The following FGL1 variants were observed in gnomAD, a reference collection of about 807,000 sequenced individuals.
FGL1 encodes fibrinogen like 1.
In FGL1, 59 loss-of-function variants were observed where a neutral mutation model predicts 43.7. The ratio of observed to expected loss-of-function variants is 1.35; its 90% CI spans 1.10 to 1.68. The LOEUF is 1.68. FGL1 is among the 40% of genes most tolerant of loss of function. FGL1 has a pLI of 0.00. For synonymous variants in FGL1, 192 were observed against 126.5 expected (o/e 1.52, Z -3.48); for missense variants, 596 against 373.0 (o/e 1.60, Z -4.92).
At chr8:17,883,895 T>G (rs888027178) in intron 2 of FGL1, among the ~76,000 whole-genome samples, 2 of 150,716 alleles carry the variant, frequency 1.3e-5, no homozygotes, top group African/African-American at 4.9e-5. Flanking sequence ...CTTTTCTTTT[T>G]CTTTTCTTTT....
intron 2 of FGL1, among the ~76,000 whole-genome samples, chr8:17,883,693 TTA>T (rs888038458): frequency 2.8e-5 from 4 of 144,036 alleles, no homozygotes; most frequent in African/African-American, 1.0e-4. Context: ...TATATATTTT[TTA>T]TATATATATA....
intron 1 of FGL1, among the ~76,000 whole-genome samples, chr8:17,892,240 C>T (rs1014610322): frequency 6.6e-6 from 1 of 151,650 alleles, no homozygotes; most frequent in Non-Finnish European, 1.5e-5. Context: ...TAAACAATTG[C>T]ATAGTCACAG....
intron 6 of FGL1, 21 bp downstream of exon 6, chr8:17,868,895 C>A: frequency 1.3e-6 from 2 of 1,558,684 alleles, no homozygotes; most frequent in Non-Finnish European, 1.7e-6. Flanking sequence ...CACGGTTTTA[C>A]TTCTTAGAAA....
chr8:17,884,269 G>A (rs1265188039), intron 2 of FGL1, among the ~76,000 whole-genome samples: 4 of 151,858 alleles, frequency 2.6e-5, no homozygotes, highest in Non-Finnish European at 5.9e-5. Flanking sequence ...TCGGCTCCCT[G>A]CAACCTCTGC....
At chr8:17,886,151 T>C (rs1188664789) in intron 1 of FGL1, among the ~76,000 whole-genome samples, 1 of 152,240 alleles carries the variant, frequency 6.6e-6, no homozygotes, top group Non-Finnish European at 1.5e-5. Context: ...TCTACGGAAT[T>C]ATTCCTCAGG....
chr8:17,891,667 G>A (rs1190049132), intron 1 of FGL1: 3 of 985,150 alleles, frequency 3.0e-6, no homozygotes, highest in Admixed American at 6.1e-5. Context: ...TAGATGAGAA[G>A]AAAACTTGTA....
intron 3 of FGL1, among the ~76,000 whole-genome samples, chr8:17,881,135 C>T (rs1049866616): frequency 1.7e-4 from 17 of 98,818 alleles, no homozygotes; most frequent in African/African-American, 7.8e-4. Context: ...CATGTGTACA[C>T]GGATTTTTTT....
intron 3 of FGL1, among the ~76,000 whole-genome samples, chr8:17,880,616 C>T (rs2517319): frequency 0.2 from 30,312 of 152,124 alleles, 4,219 homozygotes; most frequent in African/African-American, 0.39. Flanking sequence ...GATAAAAGTA[C>T]ATTAAATATC....
intron 5 of FGL1, 49 bp from the exon 6 acceptor site, chr8:17,869,053 A>G (rs773590136): frequency 3.5e-6 from 4 of 1,147,580 alleles, no homozygotes; most frequent in Non-Finnish European, 5.1e-6. Flanking sequence ...GTGACATGAC[A>G]CGGACTACTG....
intron 5 of FGL1, among the ~76,000 whole-genome samples, chr8:17,869,365 T>C (rs2053322472): frequency 6.6e-6 from 1 of 152,242 alleles, no homozygotes; most frequent in Non-Finnish European, 1.5e-5. Flanking sequence ...CCTCTTTTTC[T>C]TGATTTCAGT....
chr8:17,865,535 T>C (rs984958039), intron 7 of FGL1, among the ~76,000 whole-genome samples: 1 of 152,212 alleles, frequency 6.6e-6, no homozygotes, highest in African/African-American at 2.4e-5. Flanking sequence ...ATAATCATTT[T>C]TTCCTAGTTG....
intron 3 of FGL1, among the ~76,000 whole-genome samples, chr8:17,881,433 C>T (rs1279469636): frequency 6.6e-6 from 1 of 151,734 alleles, no homozygotes; most frequent in East Asian, 1.9e-4. Flanking sequence ...CCGCACTTGG[C>T]TGTGTCCATC....
intron 1 of FGL1, among the ~76,000 whole-genome samples, chr8:17,892,038 T>A (rs1156229444): frequency 1.3e-5 from 2 of 152,222 alleles, no homozygotes; most frequent in Admixed American, 6.5e-5. Flanking sequence ...TATCTCATAA[T>A]AAGTTTTTAG....
chr8:17,887,494 C>T (rs1395910421), intron 1 of FGL1, among the ~76,000 whole-genome samples: 1 of 152,138 alleles, frequency 6.6e-6, no homozygotes, highest in Non-Finnish European at 1.5e-5. Context: ...CAACACTGGG[C>T]AGAAATTCAT....
At chr8:17,883,869 A>T (rs1290197373) in intron 2 of FGL1, among the ~76,000 whole-genome samples, 2 of 140,812 alleles carry the variant, frequency 1.4e-5, no homozygotes, top group Admixed American at 7.5e-5. Flanking sequence ...CTTTTCTAGG[A>T]TGATTTCTTT....
At chr8:17,883,586 C>T (rs571792499) in intron 2 of FGL1, among the ~76,000 whole-genome samples, 37 of 135,786 alleles carry the variant, frequency 2.7e-4, no homozygotes, top group South Asian at 6.6e-4. Flanking sequence ...ACATAATATA[C>T]GTATATATAA....
chr8:17,864,819 T>C (rs904867248), intron 7 of FGL1, 68 bp from the exon 8 acceptor site: 2 of 1,268,400 alleles, frequency 1.6e-6, no homozygotes, highest in East Asian at 2.9e-5. Flanking sequence ...GAATCCCTTT[T>C]ATTTTGCTAC....
At position 17,874,497 on chromosome 8, in the gene FGL1, C is replaced by T. The variant is rs1267421329; in HGVS notation, c.269G>A (p.Gly90Glu). 2.5e-6 allele frequency: 4 copies of T among 1,607,986 alleles called. No homozygotes were observed. The Admixed American group carries it at 5.1e-5, about 21-fold the overall frequency. The change falls in exon 4 of 8, where the codon GGG (glycine) becomes GAG (glutamate). Residue 90 changes from glycine (G) to glutamate (E), a missense_variant. Transcript: ENST00000427924. ...YADCSEIFND[G>E]YKLSGFYKIK... ...TTTGTAAAATCCACTGAGCTTATACCCATCATTGAAAATCTCTGAACAATC... is the reference window on the plus strand; with the variant it reads ...TTTGTAAAATCCACTGAGCTTATACTCATCATTGAAAATCTCTGAACAATC...
Position 17,874,119 on chromosome 8 carries a change from A to G in FGL1, c.405-3T>C. On this transcript the variant is annotated splice_polypyrimidine_tract_variant and splice_region_variant and intron_variant, in intron 4 of 7. Transcript: ENST00000427924. Reference sequence around the variant, plus strand: ...CATTTTCATAGTCTTTCCATCCTCTAAAAAAGGTAAAGTGGAAGCCGATTA... The same window carrying G: ...CATTTTCATAGTCTTTCCATCCTCTGAAAAAGGTAAAGTGGAAGCCGATTA... 1 of 1,607,428 alleles carries G rather than the reference A, an allele frequency of 6.2e-7. No homozygotes were observed. The highest frequency in any genetic ancestry group is 1.1e-5 in the South Asian group (1 of 89,856).
Sources: gnomAD v4.1 joint callset for allele counts (sites outside exome capture counted in the v4.1 genomes callset) on GRCh38, gnomAD v4.1.1 for gene constraint, MANE v1.5 for transcripts, NCBI Gene and HGNC (gene_info 2026-07-23, HGNC 2026-07-21) for gene names.